PPM1L: variants seen among roughly 807,000 people sequenced by gnomAD.
The protein encoded by PPM1L is protein phosphatase 1L.
In PPM1L, 13 loss-of-function variants were observed where a neutral mutation model predicts 31.4. That is an observed-to-expected ratio of 0.41 (90% CI 0.27 to 0.66). The LOEUF (loss-of-function observed/expected upper bound fraction) is 0.66, where lower values mean the gene tolerates loss of function less well. PPM1L is among the 30% of genes least tolerant of loss of function. The probability of loss-of-function intolerance (pLI) is 0.29; values close to 1 mark genes in which losing one functional copy is unlikely to be tolerated. For missense variants in PPM1L, 326 were observed against 453.7 expected, an observed-to-expected ratio of 0.72 and a Z score of 2.56; for synonymous variants, 184 against 175.4, an observed-to-expected ratio of 1.05 and a Z score of -0.39.
At chr3:160,807,403 T>C (rs1365861895) in intron 1 of PPM1L, among the ~76,000 whole-genome samples, 1 of 152,244 alleles carries the variant, frequency 6.6e-6, no homozygotes, top group Non-Finnish European at 1.5e-5. Context: ...CACCATTTCC[T>C]ACCTTGCTAC....
In PPM1L at chr3:160,897,866, T is replaced by G. The variant is rs548578996; in HGVS notation, c.400-63870T>G. Among the ~76,000 whole-genome samples, 4 of 152,312 alleles carry G rather than the reference T, an allele frequency of 2.6e-5. No homozygotes were observed. The South Asian group carries it at 8.3e-4, about 32-fold the overall frequency. ...GTGTCTCACCTCCACCCAGTCACTC[T>G]TGCACCCTGTCACTCACTTAGCAAG... is the stretch of plus-strand genomic sequence containing the variant. On this transcript the variant is annotated intron_variant, in intron 1 of 3. Coordinates refer to ENST00000498165, the MANE Select transcript of PPM1L (RefSeq NM_139245.4).
At chr3:160,912,710 G>A (rs1351503250) in intron 1 of PPM1L, among the ~76,000 whole-genome samples, 1 of 152,174 alleles carries the variant, frequency 6.6e-6, no homozygotes, top group Non-Finnish European at 1.5e-5. Flanking sequence ...AATTATAGCA[G>A]ATTCATTGAT....
intron 1 of PPM1L, among the ~76,000 whole-genome samples, chr3:160,884,296 G>A (rs1439331837): frequency 6.6e-6 from 1 of 152,156 alleles, no homozygotes; most frequent in Non-Finnish European, 1.5e-5. Context: ...TGGCATTTAG[G>A]TGTGTAGGTC....
chr3:161,019,863 T>A (rs899018082), intron 2 of PPM1L, among the ~76,000 whole-genome samples: 1 of 152,168 alleles, frequency 6.6e-6, no homozygotes, highest in African/African-American at 2.4e-5. Context: ...TGGTGGCTCA[T>A]GCCTGTAATA....
At chr3:160,841,249 G>A (rs1713870429) in intron 1 of PPM1L, among the ~76,000 whole-genome samples, 1 of 151,772 alleles carries the variant, frequency 6.6e-6, no homozygotes, top group Non-Finnish European at 1.5e-5. Flanking sequence ...AATATGCAAT[G>A]CTTATTAAGA....
chr3:160,907,877 C>A (rs1217286767), intron 1 of PPM1L, among the ~76,000 whole-genome samples: 1 of 152,064 alleles, frequency 6.6e-6, no homozygotes, highest in Non-Finnish European at 1.5e-5. Context: ...AGATGAATAC[C>A]CCAACTTTGC....
At chr3:160,843,470 GT>G (rs1356729701) in intron 1 of PPM1L, among the ~76,000 whole-genome samples, 3 of 50,248 alleles carry the variant, frequency 6.0e-5, no homozygotes, top group Admixed American at 2.2e-4. Flanking sequence ...ATATATATAT[GT>G]TTTTTTTAAT....
intron 1 of PPM1L, among the ~76,000 whole-genome samples, chr3:160,923,098 T>C (rs1371939702): frequency 6.6e-6 from 1 of 152,162 alleles, no homozygotes; most frequent in Non-Finnish European, 1.5e-5. Flanking sequence ...GCAATTTACA[T>C]TAAGAATGAC....
chr3:160,799,698 G>A (rs569255696), intron 1 of PPM1L, among the ~76,000 whole-genome samples: 21 of 152,208 alleles, frequency 1.4e-4, no homozygotes, highest in Non-Finnish European at 2.5e-4. Context: ...ATTTTGCCTG[G>A]AACATGTTCC....
intron 2 of PPM1L, among the ~76,000 whole-genome samples, chr3:161,036,645 G>C (rs1346338763): frequency 1.3e-5 from 2 of 152,194 alleles, no homozygotes; most frequent in African/African-American, 2.4e-5. Flanking sequence ...AGACACTGCA[G>C]AACATAGTGC....
intron 1 of PPM1L, among the ~76,000 whole-genome samples, chr3:160,891,097 A>G (rs1422820278): frequency 1.3e-5 from 2 of 152,214 alleles, no homozygotes; most frequent in Non-Finnish European, 2.9e-5. Flanking sequence ...ACCAAAAGTA[A>G]TTGCAACAAA....
At chr3:160,835,978 T>A (rs774410673) in intron 1 of PPM1L, among the ~76,000 whole-genome samples, 5,698 of 152,186 alleles carry the variant, frequency 0.037, 136 homozygotes, top group Middle Eastern at 0.068. Context: ...CCATGACTTC[T>A]TATCCTTCTC....
intron 2 of PPM1L, among the ~76,000 whole-genome samples, chr3:161,041,811 A>G (rs1479735543): frequency 4.6e-5 from 7 of 152,156 alleles, no homozygotes; most frequent in Non-Finnish European, 7.4e-5. Context: ...CTGGATCTCT[A>G]TTAATACTTA....
At chr3:160,943,741 A>G (rs894120198) in intron 1 of PPM1L, among the ~76,000 whole-genome samples, 3 of 152,150 alleles carry the variant, frequency 2.0e-5, no homozygotes, top group Non-Finnish European at 4.4e-5. Flanking sequence ...TGTCTTCTGA[A>G]GTTCTATTAA....
intron 2 of PPM1L, among the ~76,000 whole-genome samples, chr3:160,997,152 G>A (rs1427491764): frequency 1.3e-5 from 2 of 152,120 alleles, no homozygotes; most frequent in Non-Finnish European, 2.9e-5. Flanking sequence ...GATTTCTGAG[G>A]TGGTTCAAGG....
chr3:160,766,698 A>G (rs1022698374), intron 1 of PPM1L, among the ~76,000 whole-genome samples: 6 of 130,372 alleles, frequency 4.6e-5, no homozygotes, highest in Admixed American at 3.8e-4. Context: ...TGTACTTCTG[A>G]AAAAAAAAAG....
intron 2 of PPM1L, among the ~76,000 whole-genome samples, chr3:161,065,130 A>G (rs1719687023): frequency 6.6e-6 from 1 of 152,154 alleles, no homozygotes; most frequent in African/African-American, 2.4e-5. Context: ...TAAATGTGAT[A>G]TGTGTTTAAG....
intron 1 of PPM1L, among the ~76,000 whole-genome samples, chr3:160,919,229 A>G (rs747237060): frequency 6.6e-6 from 1 of 152,240 alleles, no homozygotes; most frequent in Non-Finnish European, 1.5e-5. Context: ...TGACTGCTCT[A>G]CAAGCCTTTT....
At chr3:160,866,998 C>A (rs539911309) in intron 1 of PPM1L, among the ~76,000 whole-genome samples, 3 of 152,200 alleles carry the variant, frequency 2.0e-5, no homozygotes, top group African/African-American at 7.2e-5. Context: ...TGTGCCACCA[C>A]ACCCAGCTAA....
Sources: allele counts gnomAD v4.1 joint callset (sites outside exome capture counted in the v4.1 genomes callset), GRCh38; gene constraint gnomAD v4.1.1; transcripts MANE v1.5; gene names NCBI Gene and HGNC (gene_info 2026-07-23, HGNC 2026-07-21).